MTUS1: variants seen among roughly 807,000 people sequenced by gnomAD.
The protein encoded by MTUS1 is microtubule-associated tumor suppressor 1.
Under a neutral mutation model 120.8 loss-of-function variants are expected in MTUS1, and 109 were observed. The ratio of observed to expected loss-of-function variants is 0.90; its 90% CI spans 0.77 to 1.06. The LOEUF (loss-of-function observed/expected upper bound fraction) is 1.06, where lower values mean the gene tolerates loss of function less well. Ranked by LOEUF, MTUS1 falls within the 50% of genes least tolerant of loss-of-function variation. The pLI is 0.00. For missense variants in MTUS1, 2,210 were observed against 1,486.3 expected, an observed-to-expected ratio of 1.49 and a Z score of -8.01; for synonymous variants, 737 against 550.5, an observed-to-expected ratio of 1.34 and a Z score of -4.74.
chr8:17,648,406 T>G (rs1177431200), intron 13 of MTUS1, among the ~76,000 whole-genome samples: 2 of 152,224 alleles, frequency 1.3e-5, no homozygotes, highest in Non-Finnish European at 2.9e-5. Context: ...CAGCAAAGTC[T>G]GATTTATTGC....
chr8:17,706,803 G>A (rs1820262043), intron 6 of MTUS1, among the ~76,000 whole-genome samples: 1 of 152,144 alleles, frequency 6.6e-6, no homozygotes, highest in African/African-American at 2.4e-5. Context: ...AAATGTTACT[G>A]TATCTGCTAA....
chr8:17,797,343 G>C (rs1044996122), intron 1 of MTUS1, among the ~76,000 whole-genome samples: 3 of 152,140 alleles, frequency 2.0e-5, no homozygotes, highest in Non-Finnish European at 4.4e-5. Flanking sequence ...AGCCTGGGAC[G>C]TGAAGGCTGC....
chr8:17,756,671 A>ACCCCACC (rs1554526125), intron 1 of MTUS1, among the ~76,000 whole-genome samples: 2 of 117,484 alleles, frequency 1.7e-5, no homozygotes, highest in Admixed American at 9.5e-5. Flanking sequence ...TCAAGCCCAA[A>ACCCCACC]CCCCCACCCC....
At chr8:17,791,328 A>T (rs1257206979) in intron 1 of MTUS1, among the ~76,000 whole-genome samples, 1 of 152,262 alleles carries the variant, frequency 6.6e-6, no homozygotes, top group East Asian at 1.9e-4. Flanking sequence ...TTAAAAGATG[A>T]AAATACAAAA....
chr8:17,763,620 G>A (rs974734185), intron 1 of MTUS1, among the ~76,000 whole-genome samples: 4 of 152,050 alleles, frequency 2.6e-5, no homozygotes, highest in Non-Finnish European at 4.4e-5. Context: ...GAGCCAGGAC[G>A]ACGGTGCACT....
chr8:17,784,549 CCT>C (rs1192120913), intron 1 of MTUS1, among the ~76,000 whole-genome samples: 1 of 152,072 alleles, frequency 6.6e-6, no homozygotes, highest in African/African-American at 2.4e-5. Flanking sequence ...CCTGCCTCGG[CCT>C]CCCAAAGTAT....
At chr8:17,683,201 G>C (rs1233017461) in intron 7 of MTUS1, among the ~76,000 whole-genome samples, 1 of 152,190 alleles carries the variant, frequency 6.6e-6, no homozygotes, top group Non-Finnish European at 1.5e-5. Context: ...GAACCCGGGA[G>C]ATAGAGCTTG....
At chr8:17,730,756 A>G (rs1162184529) in intron 3 of MTUS1, among the ~76,000 whole-genome samples, 1 of 152,188 alleles carries the variant, frequency 6.6e-6, no homozygotes, top group Non-Finnish European at 1.5e-5. Flanking sequence ...CTCTTTCATG[A>G]TTACTAGAAT....
chr8:17,746,482 A>T (rs2047756844), intron 2 of MTUS1, among the ~76,000 whole-genome samples: 1 of 152,160 alleles, frequency 6.6e-6, no homozygotes, highest in Non-Finnish European at 1.5e-5. Context: ...GCAGAAGGTG[A>T]AAGGTTCATC....
chr8:17,684,615 A>T (rs1368759042), intron 6 of MTUS1, 73 bp from the exon 7 acceptor site: 8 of 1,185,994 alleles, frequency 6.7e-6, no homozygotes, highest in Non-Finnish European at 9.9e-6. Flanking sequence ...AAGGATTCAA[A>T]AACAACCAGA....
chr8:17,753,852 T>C lies in MTUS1; in HGVS notation c.1956A>G (p.Glu652=), dbSNP rs372971539. The part of the protein sequence containing the change: ...PVKMESAECL[E]MTYVPNIDRI... Reference sequence around the variant, plus strand: ...TATCAATGTTGGGAACATAGGTCATTTCCAAACATTCTGCACTTTCCATTT... The same window carrying C: ...TATCAATGTTGGGAACATAGGTCATCTCCAAACATTCTGCACTTTCCATTT... The change falls in exon 2 of 15, where the codon GAA becomes GAG. Residue 652 remains glutamate (E), a synonymous_variant. Transcript: ENST00000693296. The C allele has an allele frequency of 4.3e-6, 7 of 1,614,068 alleles. No individual in the cohort carries two copies. In the African/African-American group the frequency reaches 8.0e-5, roughly 18 times the overall value.
intron 1 of MTUS1, among the ~76,000 whole-genome samples, chr8:17,780,717 C>T (rs1483682866): frequency 6.6e-6 from 1 of 152,190 alleles, no homozygotes. Context: ...TGAGCCTCTG[C>T]CTCCTTACAA....
chr8:17,770,214 T>G (rs1408085713), intron 1 of MTUS1, among the ~76,000 whole-genome samples: 1 of 152,160 alleles, frequency 6.6e-6, no homozygotes, highest in Non-Finnish European at 1.5e-5. Context: ...AAGGGGATAC[T>G]CACTTTTCTG....
chr8:17,800,255 G>A (rs972442440), intron 1 of MTUS1, among the ~76,000 whole-genome samples: 7 of 152,126 alleles, frequency 4.6e-5, no homozygotes, highest in African/African-American at 1.7e-4. Context: ...CAGCCCCAGC[G>A]CTGTGATTTA....
At chr8:17,731,271 A>T (rs1281256132) in intron 3 of MTUS1, among the ~76,000 whole-genome samples, 1 of 152,210 alleles carries the variant, frequency 6.6e-6, no homozygotes, top group East Asian at 1.9e-4. Context: ...TAGATCGTCT[A>T]GGTTCAAACC....
intron 2 of MTUS1, among the ~76,000 whole-genome samples, chr8:17,745,074 G>A (rs183195305): frequency 2.0e-5 from 3 of 152,282 alleles, no homozygotes; most frequent in Admixed American, 2.0e-4. Context: ...ATTTGGGTCA[G>A]AATAAGTCTC....
chr8:17,752,691 A>C, intron 2 of MTUS1, among the ~76,000 whole-genome samples: 1 of 152,026 alleles, frequency 6.6e-6, no homozygotes, highest in Non-Finnish European at 1.5e-5. Flanking sequence ...TTGCTATTCT[A>C]TGTGCTTCAT....
intron 1 of MTUS1, chr8:17,780,728 T>C (rs1283617737): frequency 1.3e-5 from 2 of 152,240 alleles, no homozygotes; most frequent in Non-Finnish European, 2.9e-5. Context: ...CTCCTTACAA[T>C]ATATTCTCAA....
chr8:17,669,908 C>A (rs1419908454), intron 8 of MTUS1, among the ~76,000 whole-genome samples: 1 of 152,184 alleles, frequency 6.6e-6, no homozygotes, highest in East Asian at 1.9e-4. Context: ...AAGTACAGAT[C>A]CTGGCCGCAA....
Sources: gnomAD v4.1 joint callset for allele counts (sites outside exome capture counted in the v4.1 genomes callset) on GRCh38, gnomAD v4.1.1 for gene constraint, MANE v1.5 for transcripts, NCBI Gene and HGNC (gene_info 2026-07-23, HGNC 2026-07-21) for gene names.